Variants in IMMP1L observed in about 807,000 individuals in gnomAD.
IMMP1L encodes the protein inner mitochondrial membrane peptidase subunit 1, also known as mitochondrial inner membrane protease subunit 1.
Under a neutral mutation model 21.8 loss-of-function variants are expected in IMMP1L, and 24 were observed. The observed-to-expected ratio is 1.10, with a 90% CI of 0.80 to 1.55. The LOEUF is 1.55. Ranked by LOEUF, IMMP1L falls within the 40% of genes most tolerant of loss-of-function variation. The pLI, the probability that IMMP1L is intolerant of heterozygous loss-of-function variation, is 0.00. For missense variants in IMMP1L, 195 were observed against 200.7 expected (o/e 0.97, Z 0.17); for synonymous variants, 46 against 62.8 (o/e 0.73, Z 1.26).
intron 4 of IMMP1L, among the ~76,000 whole-genome samples, chr11:31,439,088 C>T (rs1273825632): frequency 2.0e-5 from 3 of 152,112 alleles, no homozygotes; most frequent in Admixed American, 6.5e-5. Flanking sequence ...AAGATTTTCT[C>T]TGTCTTCCCT....
At chr11:31,450,875 G>A (rs1420189033) in intron 4 of IMMP1L, among the ~76,000 whole-genome samples, 1 of 152,108 alleles carries the variant, frequency 6.6e-6, no homozygotes, top group East Asian at 1.9e-4. Context: ...AAATCTACTA[G>A]ATGCCAAATC....
intron 1 of IMMP1L, among the ~76,000 whole-genome samples, chr11:31,484,071 C>T (rs1442259841): frequency 1.3e-5 from 2 of 151,740 alleles, no homozygotes; most frequent in Non-Finnish European, 3.0e-5. Context: ...ATCTGTCAGG[C>T]TCTAGGGAAA....
chr11:31,470,327 C>T (rs888047870), intron 1 of IMMP1L, among the ~76,000 whole-genome samples: 1 of 151,876 alleles, frequency 6.6e-6, no homozygotes, highest in African/African-American at 2.4e-5. Context: ...GCAGGAGAAT[C>T]GCTTGAACCC....
At chr11:31,452,705 T>C (rs1276738512) in intron 4 of IMMP1L, 1 of 1,008,502 alleles carries the variant, frequency 9.9e-7, no homozygotes, top group Non-Finnish European at 1.2e-6. Flanking sequence ...GAAAGAATTA[T>C]TGGCTTCAGT....
intron 1 of IMMP1L, among the ~76,000 whole-genome samples, chr11:31,501,228 A>G (rs1348598385): frequency 3.9e-5 from 6 of 152,218 alleles, no homozygotes; most frequent in African/African-American, 1.4e-4. Context: ...CAATTGCTAC[A>G]CTGAAAAAAC....
Position 31,509,579 on chromosome 11 carries a change from G to T in IMMP1L, c.-90C>A. ...GGACACAGGTGGGCCTTTCTCACCT[G>T]GGCCCCGCCGAAGTCGACCGTCCTT... On this transcript the variant is annotated 5_prime_UTR_variant, in exon 1 of 6. Coordinates refer to ENST00000532287, the MANE Select transcript of IMMP1L (RefSeq NM_001304274.2). The T allele has an allele frequency of 1.7e-6, 1 of 604,170 alleles. No individual in the cohort carries two copies. The allele number at this position is 604,170 out of a possible 1,614,324, so 37.4% of individuals were successfully genotyped here.
At chr11:31,445,726 A>G (rs61879930) in intron 4 of IMMP1L, among the ~76,000 whole-genome samples, 1 of 123,578 alleles carries the variant, frequency 8.1e-6, no homozygotes, top group African/African-American at 4.7e-5. Context: ...ATGACAGATG[A>G]ATTTTTTTTT....
intron 1 of IMMP1L, among the ~76,000 whole-genome samples, chr11:31,508,933 C>T (rs1298354718): frequency 1.3e-5 from 2 of 152,202 alleles, no homozygotes; most frequent in Non-Finnish European, 1.5e-5. Context: ...ACTTCTAATT[C>T]TTCCTAGCAG....
intron 1 of IMMP1L, among the ~76,000 whole-genome samples, chr11:31,492,250 T>C (rs1026446513): frequency 6.6e-5 from 10 of 152,172 alleles, no homozygotes; most frequent in African/African-American, 2.2e-4. Flanking sequence ...CATACACTTT[T>C]ATGTTATGGC....
At chr11:31,449,744 G>A (rs2133599355) in intron 4 of IMMP1L, among the ~76,000 whole-genome samples, 1 of 152,228 alleles carries the variant, frequency 6.6e-6, no homozygotes, top group South Asian at 2.1e-4. Context: ...TTACTATTTG[G>A]TGAACAATGT....
chr11:31,448,356 GC>G (rs1239018695), intron 4 of IMMP1L, among the ~76,000 whole-genome samples: 2 of 152,138 alleles, frequency 1.3e-5, no homozygotes, highest in African/African-American at 4.8e-5. Context: ...AGATTAGGAA[GC>G]CACATCACAC....
chr11:31,452,995 G>C lies in IMMP1L; in HGVS notation c.321+3265C>G, dbSNP rs1229648725. ...TCAAACTCTTGACCTCAGGTGATCTGCCTGCCTTGGCCTCTCAAAGTGCTG... is the reference window on the plus strand; with the variant it reads ...TCAAACTCTTGACCTCAGGTGATCTCCCTGCCTTGGCCTCTCAAAGTGCTG... On this transcript the variant is annotated intron_variant, in intron 4 of 5. Transcript: ENST00000532287. 6.9e-6 allele frequency: 7 copies of C among 1,019,828 alleles called. No homozygotes were observed. The African/African-American group carries it at 1.2e-4, about 17-fold the overall frequency. 63.2% of individuals were successfully genotyped at this position (1,019,828 alleles called of 1,614,324 possible).
intron 1 of IMMP1L, among the ~76,000 whole-genome samples, chr11:31,488,016 G>T (rs1955139691): frequency 6.6e-6 from 1 of 152,038 alleles, no homozygotes; most frequent in South Asian, 2.1e-4. Flanking sequence ...TCTATTAAGT[G>T]CCAACTTTAC....
chr11:31,496,486 G>A (rs1955440088), intron 1 of IMMP1L, among the ~76,000 whole-genome samples: 1 of 151,960 alleles, frequency 6.6e-6, no homozygotes, highest in Non-Finnish European at 1.5e-5. Flanking sequence ...TATACCCAAA[G>A]GAAATGAAAA....
chr11:31,453,197 A>T, intron 4 of IMMP1L: 1 of 909,274 alleles, frequency 1.1e-6, no homozygotes, highest in South Asian at 1.5e-5. Context: ...TGGAAAGAAT[A>T]AAATGATCCC....
At chr11:31,436,728 A>G (rs1266856979) in intron 4 of IMMP1L, among the ~76,000 whole-genome samples, 1 of 152,102 alleles carries the variant, frequency 6.6e-6, no homozygotes, top group African/African-American at 2.4e-5. Flanking sequence ...CAGTGCGCCC[A>G]ACCATCGCTG....
At chr11:31,465,687 C>G (rs1412870328) in intron 1 of IMMP1L, among the ~76,000 whole-genome samples, 1 of 151,928 alleles carries the variant, frequency 6.6e-6, no homozygotes, top group African/African-American at 2.4e-5. Flanking sequence ...GGAACATACA[C>G]TGGAGAAAGG....
intron 1 of IMMP1L, among the ~76,000 whole-genome samples, chr11:31,494,159 G>T (rs1955350471): frequency 6.6e-6 from 1 of 152,240 alleles, no homozygotes; most frequent in Admixed American, 6.5e-5. Flanking sequence ...TCTAGCAGAG[G>T]TTCTCCACAA....
chr11:31,435,782 C>T (rs939734273), intron 4 of IMMP1L, among the ~76,000 whole-genome samples: 2 of 152,050 alleles, frequency 1.3e-5, no homozygotes, highest in Admixed American at 6.6e-5. Context: ...CAAATATTCC[C>T]AGTTTCTCAT....
Sources: gnomAD v4.1 joint callset for allele counts (sites outside exome capture counted in the v4.1 genomes callset) on GRCh38, gnomAD v4.1.1 for gene constraint, MANE v1.5 for transcripts, NCBI Gene and HGNC (gene_info 2026-07-23, HGNC 2026-07-21) for gene names.